TMEM132C: variants seen among roughly 807,000 people sequenced by gnomAD.
TMEM132C encodes protein phosphatase 1, regulatory subunit 152.
In TMEM132C, 29 loss-of-function variants were observed where a neutral mutation model predicts 61.4. The ratio of observed to expected loss-of-function variants is 0.47; its 90% CI spans 0.35 to 0.64. The LOEUF (loss-of-function observed/expected upper bound fraction) is 0.64, where lower values mean the gene tolerates loss of function less well. Ranked by LOEUF, TMEM132C falls within the 30% of genes least tolerant of loss-of-function variation. The pLI is 0.00. For synonymous variants in TMEM132C, 656 were observed against 633.1 expected (o/e 1.04, Z -0.54); for missense variants, 1,408 against 1,476.9 (o/e 0.95, Z 0.76).
At chr12:128,705,054 C>G in intron 8 of TMEM132C, 36 bp from the exon 9 acceptor site, 1 of 1,480,542 alleles carries the variant, frequency 6.8e-7, no homozygotes, top group Non-Finnish European at 9.0e-7. Flanking sequence ...AAAAGGCATC[C>G]CCCAGGTGGT....
intron 1 of TMEM132C, 43 bp from the exon 2 acceptor site, chr12:128,414,689 T>G: frequency 2.0e-6 from 3 of 1,469,854 alleles, no homozygotes; most frequent in Non-Finnish European, 2.7e-6. Flanking sequence ...CCATTAATAA[T>G]CCTGTCTTTG....
intron 2 of TMEM132C, among the ~76,000 whole-genome samples, chr12:128,519,683 A>G (rs1872835025): frequency 6.6e-6 from 1 of 152,234 alleles, no homozygotes; most frequent in Non-Finnish European, 1.5e-5. Flanking sequence ...AGTCTGTTGT[A>G]TTCTCATTAA....
chr12:128,594,730 A>T (rs1480705899), intron 3 of TMEM132C, among the ~76,000 whole-genome samples: 1 of 152,210 alleles, frequency 6.6e-6, no homozygotes, highest in African/African-American at 2.4e-5. Context: ...AATTCCCCAC[A>T]GCCCTCAGTC....
At chr12:128,576,480 C>G (rs963102278) in intron 3 of TMEM132C, among the ~76,000 whole-genome samples, 1 of 152,192 alleles carries the variant, frequency 6.6e-6, no homozygotes, top group Non-Finnish European at 1.5e-5. Flanking sequence ...TCAATGGTTC[C>G]TATCTTTTGA....
At chr12:128,627,917 A>C (rs1954031483) in intron 4 of TMEM132C, among the ~76,000 whole-genome samples, 1 of 152,212 alleles carries the variant, frequency 6.6e-6, no homozygotes. Flanking sequence ...TGAGGTGGCC[A>C]CGGAGCTGCT....
chr12:128,396,510 A>T (rs1713596), intron 1 of TMEM132C, among the ~76,000 whole-genome samples: 2 of 151,718 alleles, frequency 1.3e-5, no homozygotes, highest in African/African-American at 4.9e-5. Flanking sequence ...ACCATGGCAC[A>T]TGTATACCTA....
At chr12:128,280,733 T>C (rs867530765) in intron 1 of TMEM132C, among the ~76,000 whole-genome samples, 4 of 152,224 alleles carry the variant, frequency 2.6e-5, no homozygotes, top group African/African-American at 7.2e-5. Flanking sequence ...AATTTGTGGC[T>C]CTTGGAAGTT....
chr12:128,356,741 G>A (rs1213738916), intron 1 of TMEM132C, among the ~76,000 whole-genome samples: 1 of 152,220 alleles, frequency 6.6e-6, no homozygotes. Context: ...GTAATGAACC[G>A]TGTATTAATG....
chr12:128,405,230 G>A (rs1023658966), intron 1 of TMEM132C, among the ~76,000 whole-genome samples: 2 of 152,250 alleles, frequency 1.3e-5, no homozygotes, highest in Non-Finnish European at 2.9e-5. Context: ...AGGAGATAAC[G>A]TTTCCGGGAG....
At chr12:128,664,121 C>CGCAT (rs1954431825) in intron 4 of TMEM132C, among the ~76,000 whole-genome samples, 1 of 141,418 alleles carries the variant, frequency 7.1e-6, no homozygotes, top group African/African-American at 2.7e-5. Context: ...CGCACCCGCA[C>CGCAT]GCACGCGGGC....
intron 1 of TMEM132C, among the ~76,000 whole-genome samples, chr12:128,331,481 T>G (rs1230946858): frequency 7.4e-6 from 1 of 135,218 alleles, no homozygotes; most frequent in Non-Finnish European, 1.6e-5. Flanking sequence ...CATGTACACA[T>G]TTTTTTGGCA....
At chr12:128,471,149 C>T (rs1467658353) in intron 2 of TMEM132C, among the ~76,000 whole-genome samples, 3 of 152,208 alleles carry the variant, frequency 2.0e-5, no homozygotes, top group Admixed American at 2.0e-4. Flanking sequence ...TGATCTGTGA[C>T]AACCAGATGT....
chr12:128,697,390 A>C lies in TMEM132C; in HGVS notation c.2096A>C (p.Glu699Ala), dbSNP rs1954774030. ...GCCGTAACAGCTGTGGTCACAGCTG[A>C]GGAGGTGCTGCGGACCCCCAAACAG... The part of the protein sequence containing the change: ...SKAVTAVVTA[E>A]EVLRTPKQEA... The change falls in exon 8 of 9, where the codon GAG (glutamate) becomes GCG (alanine). Residue 699 changes from glutamate (E) to alanine (A), a missense_variant. By Grantham distance (107) the Glu-to-Ala change is moderately radical. Coordinates refer to ENST00000435159, the MANE Select transcript of TMEM132C (RefSeq NM_001136103.3). The C allele has an allele frequency of 1.3e-6, 2 of 1,544,094 alleles. No individual in the cohort carries two copies. Among genetic ancestry groups the C allele is most frequent in the African/African-American group, 2.7e-5 (2 of 72,948 alleles).
chr12:128,388,018 G>A (rs1874641439), intron 1 of TMEM132C, among the ~76,000 whole-genome samples: 1 of 152,312 alleles, frequency 6.6e-6, no homozygotes, highest in South Asian at 2.1e-4. Context: ...CTCCTTGGCC[G>A]GCAGGTTCCT....
intron 2 of TMEM132C, among the ~76,000 whole-genome samples, chr12:128,456,673 G>A (rs952417882): frequency 3.3e-5 from 5 of 151,962 alleles, no homozygotes; most frequent in Non-Finnish European, 7.4e-5. Context: ...CTTTCAAAGT[G>A]CAGGGATTAC....
intron 1 of TMEM132C, among the ~76,000 whole-genome samples, chr12:128,379,443 C>T (rs551951082): frequency 6.6e-6 from 1 of 152,324 alleles, no homozygotes; most frequent in Non-Finnish European, 1.5e-5. Context: ...TGGCAACAAA[C>T]TGCATGACTT....
At chr12:128,644,225 C>T (rs1954179092) in intron 4 of TMEM132C, among the ~76,000 whole-genome samples, 1 of 152,182 alleles carries the variant, frequency 6.6e-6, no homozygotes, top group Admixed American at 6.5e-5. Flanking sequence ...GTATGCTTGT[C>T]ATACAACCCG....
At position 128,695,934 on chromosome 12, in the gene TMEM132C, C is replaced by T; in HGVS notation, c.1760C>T (p.Ser587Phe). The change falls in exon 7 of 9, where the codon TCT becomes TTT. Residue 587 changes from serine (S) to phenylalanine (F), a missense_variant. By Grantham distance (155) the Ser-to-Phe change is radical (BLOSUM62 -2). Coordinates refer to ENST00000435159, the MANE Select transcript of TMEM132C (RefSeq NM_001136103.3). ...GTGCGGGTCCTCACCCAGTTTGTGT[C>T]TGAGGGCGCCGGTCCATGGGGCCAG... ...ATVRVLTQFVSEGAGPWGQPN... is the reference protein window; with the variant it reads ...ATVRVLTQFVFEGAGPWGQPN... 1.3e-6 allele frequency: 2 copies of T among 1,551,782 alleles called. No homozygotes were observed. Among genetic ancestry groups the T allele is most frequent in the Non-Finnish European group, 1.7e-6 (2 of 1,147,020 alleles).
chr12:128,513,255 G>A (rs1476099118), intron 2 of TMEM132C, among the ~76,000 whole-genome samples: 1 of 152,132 alleles, frequency 6.6e-6, no homozygotes, highest in African/African-American at 2.4e-5. Context: ...AAGTGGGAAG[G>A]TCCATGGCTG....
Sources: gnomAD v4.1 joint callset for allele counts (sites outside exome capture counted in the v4.1 genomes callset) on GRCh38, gnomAD v4.1.1 for gene constraint, MANE v1.5 for transcripts, NCBI Gene and HGNC (gene_info 2026-07-23, HGNC 2026-07-21) for gene names.